ARHGAP1: variants seen among roughly 807,000 people sequenced by gnomAD.
ARHGAP1 encodes Rho GTPase activating protein 1, also known as rho GTPase-activating protein 1.
A neutral mutation model predicts 52.2 loss-of-function variants in ARHGAP1; 23 were observed. That is an observed-to-expected ratio of 0.44 (90% CI 0.32 to 0.62). ARHGAP1 has a LOEUF of 0.62. Ranked by LOEUF, ARHGAP1 falls within the 20% of genes least tolerant of loss-of-function variation. ARHGAP1 has a pLI of 0.05. For synonymous variants in ARHGAP1, 210 were observed against 228.4 expected (o/e 0.92, Z 0.73); for missense variants, 480 against 560.9 (o/e 0.86, Z 1.46).
chr11:46,688,339 G>T (rs2064587627), intron 3 of ARHGAP1, 79 bp from the exon 4 acceptor site: 2 of 1,399,880 alleles, frequency 1.4e-6, no homozygotes, highest in Non-Finnish European at 2.0e-6. Flanking sequence ...AAGGGGCCAG[G>T]CCTGCTGATC....
intron 3 of ARHGAP1, among the ~76,000 whole-genome samples, chr11:46,690,665 G>A (rs1008842782): frequency 5.3e-5 from 8 of 152,098 alleles, no homozygotes; most frequent in Admixed American, 3.3e-4. Flanking sequence ...TCGCCGCCTG[G>A]AATCCTGTGT....
rs1251341026 is a variant in ARHGAP1 at position 46,681,079 on chromosome 11, C to T, written c.567G>A (p.Val189=). The T allele has an allele frequency of 6.2e-7, 1 of 1,614,154 alleles. No individual in the cohort carries two copies. Among genetic ancestry groups the T allele is most frequent in the Non-Finnish European group, 8.5e-7 (1 of 1,180,030 alleles). ...GCTCGCTCAGCTCGCTCAGGTAATTCACATAGAAGATCTTCTGCCCGAACT... is the reference window on the plus strand; with the variant it reads ...GCTCGCTCAGCTCGCTCAGGTAATTTACATAGAAGATCTTCTGCCCGAACT... The part of the protein sequence containing the change: ...SFKFGQKIFY[V]NYLSELSEHV... Residue 189 remains valine (V), a synonymous_variant, in exon 7 of 13, where the codon GTG becomes GTA. Coordinates refer to ENST00000311956, the MANE Select transcript of ARHGAP1 (RefSeq NM_004308.5). This position sits in a 1 kb window ranked among gnomAD's most constrained non-coding sequence, Gnocchi z 5.7.
chr11:46,680,578 C>T lies in ARHGAP1; in HGVS notation c.744-15G>A, dbSNP rs1592383860. 6.2e-7 allele frequency: 1 copy of T among 1,613,988 alleles called. No homozygotes were observed. The highest frequency in any genetic ancestry group is 2.2e-5 in the East Asian group (1 of 44,860). ...TCTCCTGGAGGCTGCGGGAAAAAGG[C>T]TGGTGAGCCGGGCCTGCAGCCCTTC... On this transcript the variant is annotated splice_polypyrimidine_tract_variant and intron_variant, in intron 8 of 12. Coordinates refer to ENST00000311956, the MANE Select transcript of ARHGAP1 (RefSeq NM_004308.5). This position sits in a 1 kb window ranked among gnomAD's most constrained non-coding sequence, Gnocchi z 5.9.
At chr11:46,685,676 C>CT (rs34418008) in intron 4 of ARHGAP1, among the ~76,000 whole-genome samples, 4,988 of 112,176 alleles carry the variant, frequency 0.044, 416 homozygotes, top group African/African-American at 0.16. Flanking sequence ...GCACAAGTCT[C>CT]TTTTTTTTTT....
rs757415347 is a variant in ARHGAP1 at position 46,679,787 on chromosome 11, G to A, written c.899-11C>T. On this transcript the variant is annotated splice_polypyrimidine_tract_variant and intron_variant, in intron 10 of 12. Coordinates refer to ENST00000311956, the MANE Select transcript of ARHGAP1 (RefSeq NM_004308.5). The surrounding 1 kb of genome is among the most constrained non-coding windows in gnomAD (Gnocchi z 4.4). ...AATCCACAGGCAGCCCTGGGGTGGG[G>A]GCAGCGTGAGAGAAGCTCGGCACAG... The A allele has an allele frequency of 4.3e-6, 7 of 1,612,946 alleles. No individual in the cohort carries two copies. In the South Asian group the frequency reaches 7.7e-5, roughly 18 times the overall value.
intron 3 of ARHGAP1, 27 bp downstream of exon 3, chr11:46,695,633 T>G: frequency 6.5e-7 from 1 of 1,548,242 alleles, no homozygotes; most frequent in Non-Finnish European, 8.7e-7. Context: ...CTCTGAGGGT[T>G]AGGAAAATAG....
In ARHGAP1 at chr11:46,678,033, A is replaced by G; in HGVS notation, c.*1004T>C. The G allele has an allele frequency of 2.6e-6, 1 of 388,786 alleles. No individual in the cohort carries two copies. The highest frequency in any genetic ancestry group is 5.0e-6 in the Non-Finnish European group (1 of 198,960). The allele number at this position is 388,786 out of a possible 1,614,324, so 24.1% of individuals were successfully genotyped here. On this transcript the variant is annotated 3_prime_UTR_variant, in exon 13 of 13. Transcript: ENST00000311956. ...CTATCTGGACTGACCTATCAGCACAATCTCTGCCCCTCCTACGGGCACTCT... is the reference window on the plus strand; with the variant it reads ...CTATCTGGACTGACCTATCAGCACAGTCTCTGCCCCTCCTACGGGCACTCT...
intron 3 of ARHGAP1, among the ~76,000 whole-genome samples, chr11:46,691,334 G>C (rs918502595): frequency 6.6e-6 from 1 of 151,940 alleles, no homozygotes; most frequent in African/African-American, 2.4e-5. Flanking sequence ...ATCCAGGCTG[G>C]AGTGCTGTGG....
chr11:46,679,864 C>A lies in ARHGAP1; in HGVS notation c.899-88G>T. 6.3e-7 allele frequency: 1 copy of A among 1,575,964 alleles called. No individual in the cohort carries two copies. Among genetic ancestry groups the A allele is most frequent in the Non-Finnish European group, 8.6e-7 (1 of 1,163,794 alleles). Reference sequence around the variant, plus strand: ...CAACGCGGGCCGCACTGCCTGACTGCCCCTGGACACTGCATAAGCCCCTCC... The same window carrying A: ...CAACGCGGGCCGCACTGCCTGACTGACCCTGGACACTGCATAAGCCCCTCC... On this transcript the variant is annotated intron_variant, in intron 10 of 12. Coordinates refer to ENST00000311956, the MANE Select transcript of ARHGAP1 (RefSeq NM_004308.5). This position sits in a 1 kb window ranked among gnomAD's most constrained non-coding sequence, Gnocchi z 4.4.
chr11:46,696,033 C>CAG lies in ARHGAP1; in HGVS notation c.73_74dup (p.Ala26TrpfsTer34), dbSNP rs1565690848. The CAG allele has an allele frequency of 1.2e-6, 2 of 1,614,162 alleles. No individual in the cohort carries two copies. On this transcript the variant is annotated frameshift_variant, in exon 2 of 13. Coordinates refer to ENST00000311956, the MANE Select transcript of ARHGAP1 (RefSeq NM_004308.5). LOFTEE classifies it high-confidence loss of function. The surrounding 1 kb of genome is among the most constrained non-coding windows in gnomAD (Gnocchi z 4.8). Reference sequence around the variant, plus strand: ...GCCAGTTCTTCTCATCGATGGAGGCCAGCTTCAGCTGGTTCAGAGCCTCGC... The same window carrying CAG: ...GCCAGTTCTTCTCATCGATGGAGGCCAGAGCTTCAGCTGGTTCAGAGCCTCGC...
rs200224571 is a variant in ARHGAP1 at position 46,680,709 on chromosome 11, G to C, written c.674C>G (p.Ala225Gly). 1.2e-5 allele frequency: 19 copies of C among 1,579,912 alleles called. No homozygotes were observed. Among genetic ancestry groups the C allele is most frequent in the South Asian group, 1.1e-4 (9 of 85,302 alleles). The change falls in exon 8 of 13, where the codon GCG (alanine) becomes GGG (glycine). Residue 225 changes from alanine to glycine, a missense_variant. By Grantham distance (60) the Ala-to-Gly change is moderately conservative. Coordinates refer to ENST00000311956, the MANE Select transcript of ARHGAP1 (RefSeq NM_004308.5). The surrounding 1 kb of genome is among the most constrained non-coding windows in gnomAD (Gnocchi z 5.9). ...TGGGGGCATGGGCTTGGGGGCTGTC[G>C]CGGGGCTCTTCTGTGTGGATTTCAG... ...DFLKSTQKSP[A>G]TAPKPMPPRP...
At chr11:46,699,993 A>C (rs920949393) in intron 1 of ARHGAP1, among the ~76,000 whole-genome samples, 2 of 151,738 alleles carry the variant, frequency 1.3e-5, no homozygotes, top group Non-Finnish European at 2.9e-5. Context: ...AACATGGTGA[A>C]ACCCTGTCTC....
chr11:46,679,216 G>A lies in ARHGAP1; in HGVS notation c.1141C>T (p.His381Tyr), dbSNP rs765532690. Residue 381 changes from histidine (H) to tyrosine (Y), a missense_variant, in exon 13 of 13, where the codon CAC becomes TAC. By Grantham distance (83) the His-to-Tyr change is moderately conservative. Coordinates refer to ENST00000311956, the MANE Select transcript of ARHGAP1 (RefSeq NM_004308.5). This position sits in a 1 kb window ranked among gnomAD's most constrained non-coding sequence, Gnocchi z 4.4. ...TTGGTCATCTTGTTCTGGTCACTGT[G>A]TGCAGAAATCTGTGGAGGGAATCAG... ...LTAFLVQISA[H>Y]SDQNKMTNTN... 3 of 1,601,570 alleles carry A rather than the reference G, an allele frequency of 1.9e-6. No individual in the cohort carries two copies. The African/African-American group carries it at 4.0e-5, about 21-fold the overall frequency.
At chr11:46,682,421 T>C (rs1208694424) in intron 4 of ARHGAP1, among the ~76,000 whole-genome samples, 1 of 152,228 alleles carries the variant, frequency 6.6e-6, no homozygotes, top group Non-Finnish European at 1.5e-5. Flanking sequence ...CAGTGGCTCA[T>C]GCCTGTAATC....
rs1276235758 is a variant in ARHGAP1 at position 46,696,413 on chromosome 11, G to C, written c.-49-257C>G. Among the ~76,000 whole-genome samples the C allele has an allele frequency of 1.3e-5, 2 of 152,196 alleles. No individual in the cohort carries two copies. The highest frequency in any genetic ancestry group is 2.9e-5 in the Non-Finnish European group (2 of 68,034). ...GCCTCCCTCCAGGCCCTGCAGCTGG[G>C]GAGGGAAGAGCTGTGCCAGGTCCTG... is the stretch of plus-strand genomic sequence containing the variant. On this transcript the variant is annotated intron_variant, in intron 1 of 12. Coordinates refer to ENST00000311956, the MANE Select transcript of ARHGAP1 (RefSeq NM_004308.5). This position sits in a 1 kb window ranked among gnomAD's most constrained non-coding sequence, Gnocchi z 4.8.
chr11:46,677,133 G>A lies in ARHGAP1; in HGVS notation c.*1904C>T, dbSNP rs1223049831. Reference sequence around the variant, plus strand: ...AAAAAGTGCAAACGGTGAAATACATGATTGGTGCCAAGGAAGTCATTAAGT... The same window carrying A: ...AAAAAGTGCAAACGGTGAAATACATAATTGGTGCCAAGGAAGTCATTAAGT... On this transcript the variant is annotated 3_prime_UTR_variant, in exon 13 of 13. Transcript: ENST00000311956. 6.6e-6 allele frequency: 1 copy of A among 152,654 alleles called. No individual in the cohort carries two copies. Among genetic ancestry groups the A allele is most frequent in the Non-Finnish European group, 1.5e-5 (1 of 68,048 alleles). The allele number at this position is 152,654 out of a possible 1,614,324, so 9.5% of individuals were successfully genotyped here.
At chr11:46,682,026 G>C (rs2064532634) in intron 5 of ARHGAP1, 25 bp downstream of exon 5, 2 of 1,613,364 alleles carry the variant, frequency 1.2e-6, no homozygotes, top group Non-Finnish European at 1.7e-6. Flanking sequence ...GGATCTGACT[G>C]TGCAGGCCCC....
At chr11:46,700,354 A>C (rs183777113) in intron 1 of ARHGAP1, among the ~76,000 whole-genome samples, 197 bp downstream of exon 1, 3 of 152,076 alleles carry the variant, frequency 2.0e-5, no homozygotes, top group Non-Finnish European at 2.9e-5. Context: ...AAAATGATTA[A>C]GTCCTCTTAT....
intron 3 of ARHGAP1, among the ~76,000 whole-genome samples, chr11:46,690,922 C>T (rs900519927): frequency 1.3e-5 from 2 of 152,052 alleles, no homozygotes; most frequent in Non-Finnish European, 2.9e-5. Flanking sequence ...TGCTCTGTCA[C>T]CCAGGCTGAA....
Sources: gnomAD v4.1 joint callset for allele counts (sites outside exome capture counted in the v4.1 genomes callset) on GRCh38, gnomAD v4.1.1 for gene constraint, Gnocchi (gnomAD v3.1) non-coding constraint, MANE v1.5 for transcripts, NCBI Gene and HGNC (gene_info 2026-07-23, HGNC 2026-07-21) for gene names.